Variants in TSPAN18 observed in about 807,000 individuals in gnomAD.
The protein encoded by TSPAN18 is tetraspanin 18.
A neutral mutation model predicts 27.3 loss-of-function variants in TSPAN18; 14 were observed. That is an observed-to-expected ratio of 0.51 (90% confidence interval 0.34 to 0.80). The LOEUF is 0.80. Among genes scored for constraint, TSPAN18 ranks in the 30% least tolerant of loss-of-function variants. The probability of loss-of-function intolerance (pLI) is 0.01; values close to 1 mark genes in which losing one functional copy is unlikely to be tolerated. For synonymous variants in TSPAN18, 143 were observed against 136.5 expected, an observed-to-expected ratio of 1.05 and a Z score of -0.33; for missense variants, 268 against 323.9, an observed-to-expected ratio of 0.83 and a Z score of 1.32.
At chr11:44,924,023 C>T (rs569713694) in intron 8 of TSPAN18, among the ~76,000 whole-genome samples, 1 of 152,180 alleles carries the variant, frequency 6.6e-6, no homozygotes, top group East Asian at 1.9e-4. Context: ...TTGCCAGTTT[C>T]CCCGGGTGAG....
Position 44,814,352 on chromosome 11 carries a change from C to T in TSPAN18, c.-152-45976C>T, listed in dbSNP as rs564167808. Among the ~76,000 whole-genome samples, 42 of 152,216 alleles carry T rather than the reference C, an allele frequency of 2.8e-4. 1 individual carries two copies. In the South Asian group the frequency reaches 8.1e-3, roughly 29 times the overall value. Reference sequence around the variant, plus strand: ...AGGACTGGGCTTTACAATGAAGACACGTGGCTCCATGAAAACTCACTGTCT... The same window carrying T: ...AGGACTGGGCTTTACAATGAAGACATGTGGCTCCATGAAAACTCACTGTCT... On this transcript the variant is annotated intron_variant, in intron 2 of 9. Transcript: ENST00000520358.
intron 3 of TSPAN18, among the ~76,000 whole-genome samples, chr11:44,865,445 ATCT>A (rs1565182944): frequency 6.6e-6 from 1 of 152,214 alleles, no homozygotes; most frequent in Non-Finnish European, 1.5e-5. Context: ...TATTTGTTGC[ATCT>A]TCTTGCTCCC....
chr11:44,784,756 C>T (rs542285430), intron 2 of TSPAN18, among the ~76,000 whole-genome samples: 9 of 152,194 alleles, frequency 5.9e-5, no homozygotes, highest in African/African-American at 2.2e-4. Context: ...CAACCACCGG[C>T]AAGGTAGACA....
At chr11:44,874,850 G>A (rs866472283) in intron 3 of TSPAN18, among the ~76,000 whole-genome samples, 11 of 152,302 alleles carry the variant, frequency 7.2e-5, no homozygotes, top group South Asian at 2.1e-4. Flanking sequence ...CTGAGACCAC[G>A]CTCCTCCCTT....
Position 44,749,632 on chromosome 11 carries a change from C to CTTTTTTTT in TSPAN18, c.-239-14779_-239-14772dup, listed in dbSNP as rs71894571. ...TTGTAGCCACAGAACGTGGAACTTT[C>CTTTTTTTT]TTTTTTTTTTTTTTTTTTTTTTGAG... On this transcript the variant is annotated intron_variant, in intron 1 of 9. Transcript: ENST00000520358. Among the ~76,000 whole-genome samples, 111 of 110,430 alleles carry CTTTTTTTT rather than the reference C, an allele frequency of 1.0e-3. 2 individuals are homozygous for CTTTTTTTT. Among genetic ancestry groups the CTTTTTTTT allele is most frequent in the African/African-American group, 3.1e-3 (81 of 26,316 alleles). The allele number at this position is 110,430 out of a possible 152,430, so 72.4% of individuals were successfully genotyped here. A position where few individuals can be genotyped will look rare whatever the true frequency, so the allele number is the denominator to read the frequency against.
intron 2 of TSPAN18, among the ~76,000 whole-genome samples, chr11:44,824,874 T>A (rs1336936807): frequency 6.6e-6 from 1 of 152,232 alleles, no homozygotes; most frequent in Admixed American, 6.5e-5. Flanking sequence ...ATGCTACAGA[T>A]GTTGACTGGC....
At chr11:44,827,968 C>T (rs922007146) in intron 2 of TSPAN18, among the ~76,000 whole-genome samples, 1 of 152,216 alleles carries the variant, frequency 6.6e-6, no homozygotes, top group African/African-American at 2.4e-5. Context: ...TGTAGACTCC[C>T]ACCTGGCTGT....
chr11:44,887,782 C>G (rs835769), intron 3 of TSPAN18, among the ~76,000 whole-genome samples: 20,119 of 152,082 alleles, frequency 0.13, 1,472 homozygotes, highest in East Asian at 0.17. Flanking sequence ...TGGGGTAGGG[C>G]TGGGAATGAG....
chr11:44,805,837 C>G (rs1020768122), intron 2 of TSPAN18, among the ~76,000 whole-genome samples: 19 of 152,214 alleles, frequency 1.2e-4, no homozygotes, highest in African/African-American at 3.9e-4. Context: ...GCATCACTCT[C>G]ATGACATGGC....
chr11:44,904,751 TC>T (rs1362058245), intron 3 of TSPAN18, among the ~76,000 whole-genome samples: 2 of 152,194 alleles, frequency 1.3e-5, no homozygotes, highest in Non-Finnish European at 2.9e-5. Flanking sequence ...CTCCATCTGT[TC>T]CTTATGATAC....
chr11:44,808,790 G>A (rs1052582944), intron 2 of TSPAN18, among the ~76,000 whole-genome samples: 1 of 152,056 alleles, frequency 6.6e-6, no homozygotes, highest in South Asian at 2.1e-4. Flanking sequence ...CCTCACCGTG[G>A]TTTGTGATAA....
chr11:44,788,270 T>C (rs552403226), intron 2 of TSPAN18, among the ~76,000 whole-genome samples: 89 of 152,118 alleles, frequency 5.9e-4, no homozygotes, highest in Admixed American at 5.2e-4. Context: ...AATGGAACTT[T>C]CTGTGTGGAT....
intron 2 of TSPAN18, among the ~76,000 whole-genome samples, chr11:44,843,750 C>T (rs1035336756): frequency 3.5e-4 from 53 of 152,302 alleles, no homozygotes; most frequent in African/African-American, 6.5e-4. Flanking sequence ...AAGAATTCAG[C>T]GATATTTCTC....
chr11:44,734,183 A>C (rs967856087), intron 1 of TSPAN18, among the ~76,000 whole-genome samples: 2 of 152,072 alleles, frequency 1.3e-5, no homozygotes, highest in African/African-American at 2.4e-5. Flanking sequence ...CCAGAAGCAC[A>C]TACTGGCACC....
intron 2 of TSPAN18, among the ~76,000 whole-genome samples, chr11:44,822,836 A>G (rs557505194): frequency 1.6e-3 from 247 of 152,272 alleles, no homozygotes; most frequent in African/African-American, 5.5e-3. Flanking sequence ...ACTTTCTCCA[A>G]TTGTATAATA....
At chr11:44,740,251 T>C (rs1220532082) in intron 1 of TSPAN18, among the ~76,000 whole-genome samples, 5 of 152,194 alleles carry the variant, frequency 3.3e-5, no homozygotes, top group East Asian at 1.9e-4. Context: ...TGGGACCCTT[T>C]GGGGAGGATG....
At chr11:44,800,006 G>GGTTTTTT (rs1554985027) in intron 2 of TSPAN18, among the ~76,000 whole-genome samples, 6 of 109,392 alleles carry the variant, frequency 5.5e-5, no homozygotes, top group African/African-American at 1.1e-4. Flanking sequence ...AATTTTTTGT[G>GGTTTTTT]TTTTTTTTTT....
At chr11:44,893,808 T>C (rs1490633256) in intron 3 of TSPAN18, among the ~76,000 whole-genome samples, 1 of 152,212 alleles carries the variant, frequency 6.6e-6, no homozygotes, top group African/African-American at 2.4e-5. Flanking sequence ...CTTGCGTTAA[T>C]ATCAGGCCTT....
intron 2 of TSPAN18, among the ~76,000 whole-genome samples, chr11:44,842,174 C>A (rs1413651415): frequency 6.6e-6 from 1 of 152,204 alleles, no homozygotes; most frequent in Admixed American, 6.5e-5. Context: ...CAGCCTCAGT[C>A]TCCTTCAAGG....
Sources: gnomAD v4.1 joint callset for allele counts (sites outside exome capture counted in the v4.1 genomes callset) on GRCh38, gnomAD v4.1.1 for gene constraint, MANE v1.5 for transcripts, NCBI Gene and HGNC (gene_info 2026-07-23, HGNC 2026-07-21) for gene names.